The following SCG5 variants were observed in gnomAD, a reference collection of about 807,000 sequenced individuals.
SCG5 encodes secretogranin V, also known as neuroendocrine protein 7B2.
A neutral mutation model predicts 25.7 loss-of-function variants in SCG5; 18 were observed. The ratio of observed to expected loss-of-function variants is 0.70; its 90% confidence interval spans 0.48 to 1.04. SCG5 has a LOEUF of 1.04. SCG5 is among the 50% of genes least tolerant of loss of function. The probability of loss-of-function intolerance (pLI) is 0.00; values close to 1 mark genes in which losing one functional copy is unlikely to be tolerated. For missense variants in SCG5, 206 were observed against 259.8 expected (o/e 0.79, Z 1.42); for synonymous variants, 101 against 91.7 (o/e 1.10, Z -0.58).
Position 32,696,684 on chromosome 15 carries a change from C to T in SCG5, c.*75C>T. ...GCTTATGTGCACGTGTAAATGGAGT[C>T]CCTGTGAATGACAGCATGTTTCTTA... On this transcript the variant is annotated 3_prime_UTR_variant, in exon 6 of 6. Coordinates refer to ENST00000300175, the MANE Select transcript of SCG5 (RefSeq NM_001144757.3). The T allele has an allele frequency of 3.5e-6, 3 of 853,466 alleles. No homozygotes were observed. The highest frequency in any genetic ancestry group is 5.9e-6 in the Non-Finnish European group (3 of 508,142). The allele number at this position is 853,466 out of a possible 1,614,324, so 52.9% of individuals were successfully genotyped here. A position where few individuals can be genotyped will look rare whatever the true frequency, so the allele number is the denominator to read the frequency against.
At chr15:32,694,920 GAGCTCC>G (rs1411342054) in intron 5 of SCG5, among the ~76,000 whole-genome samples, 1 of 152,194 alleles carries the variant, frequency 6.6e-6, no homozygotes, top group Non-Finnish European at 1.5e-5. Context: ...ATGGGCAAGA[GAGCTCC>G]ACCTGTGAAC....
intron 5 of SCG5, among the ~76,000 whole-genome samples, chr15:32,695,877 T>C (rs1277439152): frequency 6.6e-6 from 1 of 152,220 alleles, no homozygotes; most frequent in Admixed American, 6.5e-5. Flanking sequence ...CAAGGACTTA[T>C]GAGGTGGTTT....
chr15:32,646,733 G>C (rs575288464), intron 2 of SCG5, among the ~76,000 whole-genome samples: 3 of 152,284 alleles, frequency 2.0e-5, no homozygotes, highest in Admixed American at 6.5e-5. Context: ...TGGGACCTTG[G>C]CATTGAATTT....
intron 2 of SCG5, among the ~76,000 whole-genome samples, chr15:32,669,729 A>G (rs1001446342): frequency 2.0e-5 from 3 of 152,184 alleles, no homozygotes; most frequent in African/African-American, 7.2e-5. Flanking sequence ...CTTCACTTCC[A>G]GATTATTTTA....
intron 4 of SCG5, 49 bp from the exon 5 acceptor site, chr15:32,691,661 A>C (rs912624562): frequency 8.3e-6 from 12 of 1,453,512 alleles, no homozygotes; most frequent in Non-Finnish European, 1.1e-5. Flanking sequence ...CATTCACCAA[A>C]TTTGATCCAT....
At chr15:32,647,544 A>C (rs1231099414) in intron 2 of SCG5, among the ~76,000 whole-genome samples, 1 of 152,022 alleles carries the variant, frequency 6.6e-6, no homozygotes, top group African/African-American at 2.4e-5. Context: ...TATCCCTTCT[A>C]GTTACTGTTC....
chr15:32,693,749 C>T (rs933918517), intron 5 of SCG5, among the ~76,000 whole-genome samples: 1 of 152,176 alleles, frequency 6.6e-6, no homozygotes, highest in Admixed American at 6.6e-5. Flanking sequence ...GTGTGCCCTA[C>T]CCAATCTCTT....
At chr15:32,648,870 C>T (rs1434965763) in intron 2 of SCG5, among the ~76,000 whole-genome samples, 1 of 151,828 alleles carries the variant, frequency 6.6e-6, no homozygotes, top group Admixed American at 6.6e-5. Flanking sequence ...CTCCCGGGTT[C>T]TCGCCATTCT....
chr15:32,666,336 C>CATT (rs1439835315), intron 2 of SCG5: 2 of 152,220 alleles, frequency 1.3e-5, no homozygotes, highest in Non-Finnish European at 2.9e-5. Context: ...ATCTACTGGG[C>CATT]ATTCTCACAC....
At chr15:32,689,421 T>A (rs953633982) in intron 4 of SCG5, among the ~76,000 whole-genome samples, 1 of 152,292 alleles carries the variant, frequency 6.6e-6, no homozygotes, top group East Asian at 1.9e-4. Context: ...CCTTGCACTT[T>A]CCTTCCTAGC....
At chr15:32,681,886 C>A (rs1454505998) in intron 3 of SCG5, among the ~76,000 whole-genome samples, 2 of 152,152 alleles carry the variant, frequency 1.3e-5, no homozygotes, top group Admixed American at 6.5e-5. Flanking sequence ...TTCCGTGGGG[C>A]ACAAAGCTTC....
chr15:32,648,872 C>T (rs2053991381), intron 2 of SCG5, among the ~76,000 whole-genome samples: 1 of 151,814 alleles, frequency 6.6e-6, no homozygotes, highest in Non-Finnish European at 1.5e-5. Context: ...CCCGGGTTCT[C>T]GCCATTCTCC....
intron 3 of SCG5, among the ~76,000 whole-genome samples, chr15:32,680,837 T>G (rs2054607336): frequency 6.6e-6 from 1 of 152,152 alleles, no homozygotes; most frequent in South Asian, 2.1e-4. Flanking sequence ...GAATGGTGAG[T>G]GGGCTTCACT....
rs575049832 is a variant in SCG5, at chr15:32,675,536, T to C, written c.227-4230T>C. On this transcript the variant is annotated intron_variant, in intron 2 of 5. Transcript: ENST00000300175. ...GTTGGGAATATATCTTATTATGTACTACTGGCTTATTGTGTTAGTCATGGG... is the reference window on the plus strand; with the variant it reads ...GTTGGGAATATATCTTATTATGTACCACTGGCTTATTGTGTTAGTCATGGG... Among the ~76,000 whole-genome samples the C allele has an allele frequency of 5.3e-5, 8 of 152,368 alleles. No homozygotes were observed. The South Asian group carries it at 1.7e-3, about 32-fold the overall frequency.
At chr15:32,696,319 G>A (rs1373402887) in intron 5 of SCG5, among the ~76,000 whole-genome samples, 195 bp from the exon 6 acceptor site, 5 of 151,942 alleles carry the variant, frequency 3.3e-5, no homozygotes, top group South Asian at 2.1e-4. Flanking sequence ...GGGTTTCACC[G>A]TGTTAGCCAG....
chr15:32,678,427 A>G (rs1432805161), intron 2 of SCG5, among the ~76,000 whole-genome samples: 2 of 152,206 alleles, frequency 1.3e-5, no homozygotes, highest in Non-Finnish European at 2.9e-5. Context: ...TAGTAAATAT[A>G]TGGGAAGATA....
intron 1 of SCG5, among the ~76,000 whole-genome samples, chr15:32,642,652 G>A (rs1157252063): frequency 1.3e-5 from 2 of 151,212 alleles, no homozygotes; most frequent in Non-Finnish European, 2.9e-5. Flanking sequence ...CAGCTGTGGG[G>A]TAAGCTGCAA....
chr15:32,653,744 G>A (rs144540159), intron 2 of SCG5, among the ~76,000 whole-genome samples: 3 of 152,096 alleles, frequency 2.0e-5, no homozygotes, highest in Admixed American at 6.6e-5. Context: ...AAGTCCACCC[G>A]TATTATAGAG....
chr15:32,666,008 C>A (rs2054312257), intron 2 of SCG5: 1 of 152,064 alleles, frequency 6.6e-6, no homozygotes, highest in African/African-American at 2.4e-5. Context: ...TTTTCAAAAT[C>A]CTGTATGAGC....
Sources: allele counts gnomAD v4.1 joint callset (sites outside exome capture counted in the v4.1 genomes callset), GRCh38; gene constraint gnomAD v4.1.1; transcripts MANE v1.5; gene names NCBI Gene and HGNC (gene_info 2026-07-23, HGNC 2026-07-21).